Variants in XPR1 observed in about 807,000 individuals in gnomAD.
XPR1 encodes xenotropic and polytropic retrovirus receptor 1.
A neutral mutation model predicts 87.5 loss-of-function variants in XPR1; 28 were observed. The observed-to-expected ratio is 0.32, with a 90% confidence interval of 0.24 to 0.44. The LOEUF (loss-of-function observed/expected upper bound fraction) is 0.44. Among genes scored for constraint, XPR1 ranks in the 20% least tolerant of loss-of-function variants. XPR1 has a pLI of 1.00. For missense variants in XPR1, 559 were observed against 862.3 expected, an observed-to-expected ratio of 0.65 and a Z score of 4.41; for synonymous variants, 300 against 306.1, an observed-to-expected ratio of 0.98 and a Z score of 0.21.
At chr1:180,875,630 A>G (rs532711100) in intron 13 of XPR1, among the ~76,000 whole-genome samples, 22 of 152,216 alleles carry the variant, frequency 1.4e-4, no homozygotes, top group African/African-American at 3.6e-4. Flanking sequence ...TTACATGTAT[A>G]TATCAGAAAA....
In XPR1 at chr1:180,778,437, T is replaced by G. The variant is rs1172173357; in HGVS notation, c.122-9316T>G. On this transcript the variant is annotated intron_variant, in intron 2 of 14. Coordinates refer to ENST00000367590, the MANE Select transcript of XPR1 (RefSeq NM_004736.4). ...CATAGAATAACAGTGTATATTAGCA[T>G]AGTAAAGCTCCTTTTGCCTTAAAGC... 2.4e-4 allele frequency among the ~76,000 whole-genome samples: 37 copies of G among 152,236 alleles called. 1 individual carries two copies. Among genetic ancestry groups the G allele is most frequent in the Admixed American group, 2.4e-3 (36 of 15,282 alleles).
At chr1:180,806,596 A>G in intron 6 of XPR1, 39 bp downstream of exon 6, 18 of 1,580,140 alleles carry the variant, frequency 1.1e-5, no homozygotes, top group Non-Finnish European at 1.5e-5. Context: ...GGTTTCACCT[A>G]TTTAATAATC....
intron 11 of XPR1, among the ~76,000 whole-genome samples, chr1:180,857,459 G>A (rs1177235977): frequency 6.6e-6 from 1 of 152,126 alleles, no homozygotes; most frequent in African/African-American, 2.4e-5. Context: ...TATCTGGCAT[G>A]TGCAGGTACT....
At chr1:180,769,050 C>CA (rs937228292) in intron 2 of XPR1, among the ~76,000 whole-genome samples, 17 of 148,456 alleles carry the variant, frequency 1.1e-4, no homozygotes, top group South Asian at 1.1e-3. Flanking sequence ...TTGTCTGCAG[C>CA]AAAAAAAAAT....
intron 2 of XPR1, among the ~76,000 whole-genome samples, chr1:180,767,849 C>CTT (rs869095414): frequency 6.9e-6 from 1 of 145,232 alleles, no homozygotes; most frequent in Non-Finnish European, 1.5e-5. Flanking sequence ...TCACAAGAAA[C>CTT]TTTTTTTTTT....
chr1:180,754,569 G>T (rs61809359), intron 2 of XPR1, among the ~76,000 whole-genome samples: 1 of 151,808 alleles, frequency 6.6e-6, no homozygotes, highest in Non-Finnish European at 1.5e-5. Flanking sequence ...CAATCAATCC[G>T]CCCACCTAGG....
intron 13 of XPR1, among the ~76,000 whole-genome samples, chr1:180,877,547 A>G (rs902311159): frequency 6.6e-6 from 1 of 152,230 alleles, no homozygotes; most frequent in Non-Finnish European, 1.5e-5. Flanking sequence ...TTGTAGAACT[A>G]AGTATGAAGA....
chr1:180,682,711 C>T (rs779338487), intron 2 of XPR1, among the ~76,000 whole-genome samples: 20 of 151,976 alleles, frequency 1.3e-4, no homozygotes, highest in Non-Finnish European at 2.8e-4. Flanking sequence ...CTTCCCTCCC[C>T]TCCCCTCCTT....
intron 11 of XPR1, among the ~76,000 whole-genome samples, chr1:180,846,076 A>G (rs975073579): frequency 1.3e-5 from 2 of 152,134 alleles, no homozygotes; most frequent in African/African-American, 4.8e-5. Flanking sequence ...CCTAGCCAAC[A>G]TGGCAAAACC....
intron 7 of XPR1, among the ~76,000 whole-genome samples, chr1:180,818,026 A>C (rs1650475921): frequency 6.6e-6 from 1 of 151,568 alleles, no homozygotes; most frequent in Non-Finnish European, 1.5e-5. Flanking sequence ...AAGGCCTGGA[A>C]TAGCATATAT....
rs1209065926 is a variant in XPR1, at chr1:180,688,308, C to T, written c.121+5897C>T. Among the ~76,000 whole-genome samples, 7 of 151,412 alleles carry T rather than the reference C, an allele frequency of 4.6e-5. No homozygotes were observed. The East Asian group carries it at 5.8e-4, about 13-fold the overall frequency. On this transcript the variant is annotated intron_variant, in intron 2 of 14. Transcript: ENST00000367590. ...TTTGCCATGTTGGCCAGGCTGGTCT[C>T]GAACTCCTGACCTCAAGTGATCCAC...
intron 2 of XPR1, among the ~76,000 whole-genome samples, chr1:180,779,332 T>C (rs1369269639): frequency 6.6e-6 from 1 of 152,188 alleles, no homozygotes; most frequent in East Asian, 1.9e-4. Flanking sequence ...GGGCAGGACC[T>C]ACATTTATCT....
At chr1:180,633,928 G>A (rs761689192) in intron 1 of XPR1, among the ~76,000 whole-genome samples, 1 of 152,188 alleles carries the variant, frequency 6.6e-6, no homozygotes, top group Non-Finnish European at 1.5e-5. Flanking sequence ...AATGCTTTGG[G>A]CAGAAGTAAT....
At chr1:180,694,619 C>A (rs2101961559) in intron 2 of XPR1, among the ~76,000 whole-genome samples, 1 of 151,128 alleles carries the variant, frequency 6.6e-6, no homozygotes, top group East Asian at 1.9e-4. Flanking sequence ...TCAATGTATT[C>A]CCCTTCCCCA....
chr1:180,728,355 G>C lies in XPR1; in HGVS notation c.121+45944G>C, dbSNP rs201759433. Among the ~76,000 whole-genome samples, 11 of 151,432 alleles carry C rather than the reference G, an allele frequency of 7.3e-5. No individual in the cohort carries two copies. The East Asian group carries it at 1.6e-3, about 21-fold the overall frequency. On this transcript the variant is annotated intron_variant, in intron 2 of 14. Transcript: ENST00000367590. ...TGGGGCTACAAGCTGTGGGCAGTGA[G>C]AGAGGATACCACAAACTGATACCAG...
rs531431587 is a variant in XPR1 at position 180,860,966 on chromosome 1, A to G, written c.1502-2742A>G. 2.0e-5 allele frequency among the ~76,000 whole-genome samples: 3 copies of G among 152,148 alleles called. No individual in the cohort carries two copies. The East Asian group carries it at 5.8e-4, about 29-fold the overall frequency. On this transcript the variant is annotated intron_variant, in intron 11 of 14. Coordinates refer to ENST00000367590, the MANE Select transcript of XPR1 (RefSeq NM_004736.4). ...TAGTTTCATTATTAATTCCTTTTTC[A>G]TGTAACATTTTTACTCCTCTTCACA...
chr1:180,790,162 C>T (rs1170147196), intron 3 of XPR1, among the ~76,000 whole-genome samples: 2 of 152,106 alleles, frequency 1.3e-5, no homozygotes, highest in African/African-American at 4.8e-5. Flanking sequence ...TAGACATTCT[C>T]ATCCTTATTT....
chr1:180,702,764 A>T (rs1657394118), intron 2 of XPR1, among the ~76,000 whole-genome samples: 1 of 151,994 alleles, frequency 6.6e-6, no homozygotes, highest in South Asian at 2.1e-4. Flanking sequence ...ATTGTTTTTC[A>T]GGCATTTCAT....
chr1:180,719,391 G>T (rs1478693527), intron 2 of XPR1, among the ~76,000 whole-genome samples: 1 of 152,138 alleles, frequency 6.6e-6, no homozygotes, highest in Non-Finnish European at 1.5e-5. Context: ...TGATGATATT[G>T]GCATCAGTTG....
Sources: allele counts gnomAD v4.1 joint callset (sites outside exome capture counted in the v4.1 genomes callset), GRCh38; gene constraint gnomAD v4.1.1; transcripts MANE v1.5; gene names NCBI Gene and HGNC (gene_info 2026-07-23, HGNC 2026-07-21).